The following LTBP2 variants were observed in gnomAD, a reference collection of about 807,000 sequenced individuals.
LTBP2 encodes latent transforming growth factor beta binding protein 2.
A neutral mutation model predicts 210.6 loss-of-function variants in LTBP2; 103 were observed. That is an observed-to-expected ratio of 0.49 (90% CI 0.42 to 0.58). The LOEUF is 0.58. Among genes scored for constraint, LTBP2 ranks in the 20% least tolerant of loss-of-function variants. The pLI is 0.00. For synonymous variants in LTBP2, 1,007 were observed against 1,015.0 expected (o/e 0.99, Z 0.15); for missense variants, 2,313 against 2,494.5 (o/e 0.93, Z 1.55).
chr14:74,522,914 A>G lies in LTBP2; in HGVS notation c.2535T>C (p.Ile845=). Reference sequence around the variant, plus strand: ...TGGTGGCTCCAGCAGCGCATCTGTCAATGCCTGTGGGAGACAGAGCAAAAC... The same window carrying G: ...TGGTGGCTCCAGCAGCGCATCTGTCGATGCCTGTGGGAGACAGAGCAAAAC... The part of the protein sequence containing the change: ...DVLVTLSTPG[I]DRCAAGATNV... Residue 845 remains isoleucine, a synonymous_variant, in exon 16 of 36, where the codon ATT becomes ATC. Coordinates refer to ENST00000261978, the MANE Select transcript of LTBP2 (RefSeq NM_000428.3). 1 of 1,611,838 alleles carries G rather than the reference A, an allele frequency of 6.2e-7. No homozygotes were observed. The highest frequency in any genetic ancestry group is 1.7e-5 in the Admixed American group (1 of 59,696).
chr14:74,604,604 G>A (rs1035167713), intron 1 of LTBP2, among the ~76,000 whole-genome samples: 3 of 149,306 alleles, frequency 2.0e-5, no homozygotes, highest in Non-Finnish European at 4.4e-5. Flanking sequence ...GGAGTGCAAT[G>A]TCGTGATCTC....
chr14:74,555,534 C>T lies in LTBP2; in HGVS notation c.990G>A (p.Ala330=), dbSNP rs553129098. The T allele has an allele frequency of 3.7e-5, 59 of 1,613,394 alleles. No homozygotes were observed. The highest frequency in any genetic ancestry group is 2.5e-4 in the South Asian group (23 of 90,964). The part of the protein sequence containing the change: ...GLEQRDGTQQ[A]VPLEHPSSPW... ...GGGATGAGGGGTGCTCCAGAGGTAC[C>T]GCCTGTTGGGTGCCATCTCTCTGCT... Residue 330 remains alanine, a synonymous_variant, in exon 4 of 36, where the codon GCG becomes GCA. Coordinates refer to ENST00000261978, the MANE Select transcript of LTBP2 (RefSeq NM_000428.3).
intron 8 of LTBP2, among the ~76,000 whole-genome samples, chr14:74,542,324 C>G (rs1433956670): frequency 6.6e-6 from 1 of 152,226 alleles, no homozygotes; most frequent in East Asian, 1.9e-4. Context: ...AACTCTCCCC[C>G]TCGGCTGCTG....
intron 3 of LTBP2, among the ~76,000 whole-genome samples, chr14:74,571,398 G>A (rs2087975366): frequency 6.6e-6 from 1 of 152,186 alleles, no homozygotes. Context: ...ATGCACTTAC[G>A]TGGATTAGTC....
chr14:74,542,876 C>A (rs768632163), intron 8 of LTBP2, among the ~76,000 whole-genome samples: 5 of 151,600 alleles, frequency 3.3e-5, no homozygotes, highest in South Asian at 4.2e-4. Flanking sequence ...AAGCAATTCT[C>A]CTGCCTCAGC....
At chr14:74,515,986 G>C (rs1161874920) in intron 18 of LTBP2, among the ~76,000 whole-genome samples, 1 of 152,250 alleles carries the variant, frequency 6.6e-6, no homozygotes, top group African/African-American at 2.4e-5. Flanking sequence ...AAGGGAAGCT[G>C]TCCTTTCACA....
chr14:74,546,952 C>T (rs2087584766), intron 8 of LTBP2, among the ~76,000 whole-genome samples: 1 of 152,226 alleles, frequency 6.6e-6, no homozygotes, highest in South Asian at 2.1e-4. Context: ...AGAAGTGCTT[C>T]CAAGATCTGG....
At position 74,508,728 on chromosome 14, in the gene LTBP2, A is replaced by G. The variant is rs754605299; in HGVS notation, c.3528T>C (p.Asp1176=). ...GCTCCTCCCCCATGCACTCATTCACATCTGCAGGGAAAAGATGGGGAGTGG... is the reference window on the plus strand; with the variant it reads ...GCTCCTCCCCCATGCACTCATTCACGTCTGCAGGGAAAAGATGGGGAGTGG... ...FQLANGTVCE[D]VNECMGEEHC... Residue 1176 remains aspartate (D), a splice_region_variant and synonymous_variant, in exon 24 of 36, where the codon GAT becomes GAC. Coordinates refer to ENST00000261978, the MANE Select transcript of LTBP2 (RefSeq NM_000428.3). 2 of 1,613,666 alleles carry G rather than the reference A, an allele frequency of 1.2e-6. No homozygotes were observed. Among genetic ancestry groups the G allele is most frequent in the Non-Finnish European group, 1.7e-6 (2 of 1,179,856 alleles).
chr14:74,503,226 C>A lies in LTBP2; in HGVS notation c.4881G>T (p.Arg1627Ser). The change falls in exon 33 of 36, where the codon AGG becomes AGT. Residue 1627 changes from arginine (R) to serine (S), a missense_variant. Arg to Ser is a moderately radical substitution (Grantham distance 110, BLOSUM62 -1). This residue lies in a region of LTBP2 where 443 missense variants were observed against 501.4 expected (regional missense o/e 0.88). Coordinates refer to ENST00000261978, the MANE Select transcript of LTBP2 (RefSeq NM_000428.3). ...WSQQCALCPP[R>S]SSEVYAQLCN... Reference sequence around the variant, plus strand: ...CCCTTTGCTCCCCCTCACCAGAGCTCCTCGGGGGACACAGAGCACACTGCT... The same window carrying A: ...CCCTTTGCTCCCCCTCACCAGAGCTACTCGGGGGACACAGAGCACACTGCT... The A allele has an allele frequency of 6.2e-7, 1 of 1,614,002 alleles. No individual in the cohort carries two copies. Among genetic ancestry groups the A allele is most frequent in the African/African-American group, 1.3e-5 (1 of 75,066 alleles).
At chr14:74,520,653 T>C (rs1386610006) in intron 17 of LTBP2, among the ~76,000 whole-genome samples, 4 of 151,954 alleles carry the variant, frequency 2.6e-5, no homozygotes. Flanking sequence ...ATACAAAAAT[T>C]AGCCGAGCGT....
Position 74,555,545 on chromosome 14 carries a change from TG to T in LTBP2, c.978del (p.Thr327ProfsTer16). The T allele has an allele frequency of 6.2e-7, 1 of 1,613,246 alleles. No individual in the cohort carries two copies. Among genetic ancestry groups the T allele is most frequent in the Non-Finnish European group, 8.5e-7 (1 of 1,179,534 alleles). On this transcript the variant is annotated frameshift_variant, in exon 4 of 36. Coordinates refer to ENST00000261978, the MANE Select transcript of LTBP2 (RefSeq NM_000428.3). LOFTEE classifies it high-confidence loss of function. ...TGCTCCAGAGGTACCGCCTGTTGGGTGCCATCTCTCTGCTCAAGGCCTGGTC... is the reference window on the plus strand; with the variant it reads ...TGCTCCAGAGGTACCGCCTGTTGGGTCCATCTCTCTGCTCAAGGCCTGGTC... ...PPGPGLEQRDGTQQAVPLEHP... is the reference protein window; with the variant it reads ...PPGPGLEQRDXTQQAVPLEHP...
At chr14:74,606,937 A>G (rs1032292663) in intron 1 of LTBP2, among the ~76,000 whole-genome samples, 7 of 151,850 alleles carry the variant, frequency 4.6e-5, no homozygotes, top group Non-Finnish European at 1.0e-4. Context: ...ATCACTTAGT[A>G]CTGCCTGTCT....
At chr14:74,592,504 A>AT (rs2088296412) in intron 2 of LTBP2, among the ~76,000 whole-genome samples, 1 of 152,078 alleles carries the variant, frequency 6.6e-6, no homozygotes, top group Non-Finnish European at 1.5e-5. Context: ...ATACTTATAT[A>AT]TTTTGTAGAG....
chr14:74,605,643 G>A (rs1349323779), intron 1 of LTBP2, among the ~76,000 whole-genome samples: 2 of 152,232 alleles, frequency 1.3e-5, no homozygotes, highest in Non-Finnish European at 2.9e-5. Flanking sequence ...ATTAGGGCCT[G>A]TGGGAACCCA....
At chr14:74,572,859 A>T (rs1227844931) in intron 3 of LTBP2, among the ~76,000 whole-genome samples, 1 of 152,220 alleles carries the variant, frequency 6.6e-6, no homozygotes, top group Non-Finnish European at 1.5e-5. Context: ...CATCTGAAAA[A>T]GAGCTTTGCC....
chr14:74,506,783 G>A lies in LTBP2; in HGVS notation c.3948C>T (p.His1316=), dbSNP rs768952308. ...ECANDTMCGS[H]GFCDNTDGSF... ...AGCCATCAGTGTTGTCACAGAAGCC[G>A]TGGCTGCCACACATGGTGTCGTTGG... is the stretch of plus-strand genomic sequence containing the variant. The change falls in exon 27 of 36, where the codon CAC becomes CAT. Residue 1316 remains histidine (H), a synonymous_variant. Coordinates refer to ENST00000261978, the MANE Select transcript of LTBP2 (RefSeq NM_000428.3). 1.3e-5 allele frequency: 21 copies of A among 1,613,982 alleles called. No homozygotes were observed. The highest frequency in any genetic ancestry group is 2.2e-5 in the East Asian group (1 of 44,898).
intron 2 of LTBP2, among the ~76,000 whole-genome samples, chr14:74,596,963 G>A (rs77957306): frequency 2.6e-3 from 394 of 152,322 alleles, no homozygotes; most frequent in African/African-American, 8.8e-3. Flanking sequence ...CAAGAGGCCT[G>A]GCAGAGGATT....
At chr14:74,605,472 C>T (rs1166440899) in intron 1 of LTBP2, among the ~76,000 whole-genome samples, 1 of 152,196 alleles carries the variant, frequency 6.6e-6, no homozygotes, top group Non-Finnish European at 1.5e-5. Flanking sequence ...AGGGAAAGGG[C>T]TGCTTGTCAG....
intron 2 of LTBP2, among the ~76,000 whole-genome samples, chr14:74,589,303 C>A (rs1000368523): frequency 2.6e-5 from 4 of 152,154 alleles, no homozygotes; most frequent in Non-Finnish European, 5.9e-5. Context: ...CTAACCCAGG[C>A]TGAGGCAGGG....
Sources: gnomAD v4.1 joint callset for allele counts (sites outside exome capture counted in the v4.1 genomes callset) on GRCh38, gnomAD v4.1.1 for gene constraint, gnomAD v4.1.1 regional missense constraint, MANE v1.5 for transcripts, NCBI Gene and HGNC (gene_info 2026-07-23, HGNC 2026-07-21) for gene names.